PRR16: variants seen among roughly 807,000 people sequenced by gnomAD.
PRR16 encodes protein Largen.
A neutral mutation model predicts 18.2 loss-of-function variants in PRR16; 6 were observed. The ratio of observed to expected loss-of-function variants is 0.33; its 90% CI spans 0.18 to 0.65. The LOEUF is 0.65. Among genes scored for constraint, PRR16 ranks in the 30% least tolerant of loss-of-function variants. PRR16 has a pLI of 0.74. For synonymous variants in PRR16, 151 were observed against 147.8 expected (o/e 1.02, Z -0.16); for missense variants, 412 against 376.6 (o/e 1.09, Z -0.78).
At chr5:120,780,424 G>A in the PRR16 span, among the ~76,000 whole-genome samples, 1 of 152,018 alleles carries the variant, frequency 6.6e-6, no homozygotes, top group African/African-American at 2.4e-5. Flanking sequence ...GTTTATTTGT[G>A]CCCATAACAG....
chr5:120,511,174 G>A (rs1396231831), intron 1 of PRR16, among the ~76,000 whole-genome samples: 1 of 152,174 alleles, frequency 6.6e-6, no homozygotes, highest in African/African-American at 2.4e-5. Flanking sequence ...CTAAAGCCTG[G>A]AGGAACTAGA....
At chr5:120,480,573 A>G (rs536533724) in intron 1 of PRR16, among the ~76,000 whole-genome samples, 1 of 152,324 alleles carries the variant, frequency 6.6e-6, no homozygotes, top group South Asian at 2.1e-4. Flanking sequence ...TAACTCCTGT[A>G]CTATACAGAT....
At chr5:120,617,215 G>A in intron 1 of PRR16, 1 of 973,200 alleles carries the variant, frequency 1.0e-6, no homozygotes, top group Non-Finnish European at 1.2e-6. Context: ...TTAACATGAT[G>A]TTTGCAGGAA....
At chr5:120,589,879 A>G (rs1753574777) in intron 1 of PRR16, among the ~76,000 whole-genome samples, 1 of 152,108 alleles carries the variant, frequency 6.6e-6, no homozygotes. Flanking sequence ...TGACCAACTG[A>G]TCAAAGGCCA....
intron 1 of PRR16, among the ~76,000 whole-genome samples, chr5:120,546,371 T>C (rs1364965785): frequency 6.6e-6 from 1 of 152,090 alleles, no homozygotes; most frequent in Non-Finnish European, 1.5e-5. Context: ...TCCATAGTGC[T>C]CCCTCCCTAC....
At chr5:120,582,638 T>C (rs1446845674) in intron 1 of PRR16, among the ~76,000 whole-genome samples, 1 of 152,300 alleles carries the variant, frequency 6.6e-6, no homozygotes, top group Non-Finnish European at 1.5e-5. Flanking sequence ...ATCTGGAGGC[T>C]TTTACCAAAC....
At chr5:120,763,349 T>C in the PRR16 span, among the ~76,000 whole-genome samples, 101 of 152,162 alleles carry the variant, frequency 6.6e-4, no homozygotes, top group Non-Finnish European at 9.0e-4. Context: ...GGTTTCGCCA[T>C]GTTGGCCAGG....
chr5:120,753,280 G>A, the PRR16 span, among the ~76,000 whole-genome samples: 1 of 151,992 alleles, frequency 6.6e-6, no homozygotes, highest in Non-Finnish European at 1.5e-5. Flanking sequence ...ATTTGTGAAA[G>A]TATAATTTCA....
the PRR16 span, among the ~76,000 whole-genome samples, chr5:120,695,591 A>ATT: frequency 6.6e-6 from 1 of 152,140 alleles, no homozygotes; most frequent in Non-Finnish European, 1.5e-5. Context: ...TACCCAATGG[A>ATT]GAAACTTTCC....
chr5:120,698,374 A>C, the PRR16 span, among the ~76,000 whole-genome samples: 5 of 152,136 alleles, frequency 3.3e-5, no homozygotes, highest in Non-Finnish European at 7.3e-5. Flanking sequence ...GGGAGGACCC[A>C]GGACATCTGA....
intron 1 of PRR16, among the ~76,000 whole-genome samples, chr5:120,633,445 C>T (rs901294868): frequency 6.6e-6 from 1 of 152,098 alleles, no homozygotes; most frequent in African/African-American, 2.4e-5. Flanking sequence ...GATAAGAACT[C>T]GCCAACCAAG....
chr5:120,607,218 G>A (rs989786403), intron 1 of PRR16, among the ~76,000 whole-genome samples: 20 of 152,250 alleles, frequency 1.3e-4, no homozygotes, highest in African/African-American at 4.8e-4. Flanking sequence ...GTAGGCAGAT[G>A]TAGAATATAT....
At chr5:120,567,496 G>A (rs983639499) in intron 1 of PRR16, among the ~76,000 whole-genome samples, 1 of 152,128 alleles carries the variant, frequency 6.6e-6, no homozygotes, top group African/African-American at 2.4e-5. Context: ...CTGAGGGTCA[G>A]CCCTGTGCAG....
chr5:120,570,361 C>G (rs2112734088), intron 1 of PRR16, among the ~76,000 whole-genome samples: 1 of 152,124 alleles, frequency 6.6e-6, no homozygotes, highest in Non-Finnish European at 1.5e-5. Flanking sequence ...GTAGGGTACT[C>G]TTGATGGAGG....
At chr5:120,495,245 G>A (rs949492077) in intron 1 of PRR16, among the ~76,000 whole-genome samples, 1 of 151,896 alleles carries the variant, frequency 6.6e-6, no homozygotes, top group African/African-American at 2.4e-5. Flanking sequence ...TTATTTCATT[G>A]TCATTTTGTA....
At chr5:120,543,021 G>A (rs1162210279) in intron 1 of PRR16, among the ~76,000 whole-genome samples, 2 of 152,126 alleles carry the variant, frequency 1.3e-5, no homozygotes, top group Admixed American at 6.6e-5. Flanking sequence ...AGCCTTTACT[G>A]AGGATTATTA....
the PRR16 span, among the ~76,000 whole-genome samples, chr5:120,706,707 A>C: frequency 1.3e-5 from 2 of 152,236 alleles, no homozygotes; most frequent in African/African-American, 2.4e-5. Flanking sequence ...TGTCAAATAA[A>C]AATTGCATAG....
chr5:120,641,048 G>A (rs948515964), intron 1 of PRR16, among the ~76,000 whole-genome samples: 1 of 152,096 alleles, frequency 6.6e-6, no homozygotes, highest in Non-Finnish European at 1.5e-5. Context: ...GAGTATGGGT[G>A]GGGAGAGGAG....
chr5:120,741,011 T>A, the PRR16 span, among the ~76,000 whole-genome samples: 5 of 152,170 alleles, frequency 3.3e-5, no homozygotes, highest in Non-Finnish European at 7.4e-5. Flanking sequence ...TTTCTTTAAT[T>A]TCTCTTGCAT....
Sources: gnomAD v4.1 joint callset for allele counts (sites outside exome capture counted in the v4.1 genomes callset) on GRCh38, gnomAD v4.1.1 for gene constraint, MANE v1.5 for transcripts, NCBI Gene and HGNC (gene_info 2026-07-23, HGNC 2026-07-21) for gene names.